The following MEG3 variants were observed in gnomAD, a reference collection of about 807,000 sequenced individuals.
MEG3 encodes the protein maternally expressed 3.
downstream of MEG3, chr14:100,833,451 G>A (rs944347742): frequency 2.6e-5 from 4 of 152,070 alleles, no homozygotes; most frequent in African/African-American, 9.7e-5. Flanking sequence ...GGAGAGACGG[G>A]GTTTCACCAT....
intron 2 of MEG3, among the ~76,000 whole-genome samples, chr14:100,838,068 G>T (rs1595273005): frequency 6.6e-6 from 1 of 152,290 alleles, no homozygotes; most frequent in East Asian, 1.9e-4. Context: ...CACAGGGGCA[G>T]GCTGCTGGGG....
chr14:100,841,501 G>A (rs1049038908), intron 2 of MEG3, among the ~76,000 whole-genome samples: 1 of 152,244 alleles, frequency 6.6e-6, no homozygotes, highest in Non-Finnish European at 1.5e-5. Context: ...CTGGTCCGCT[G>A]CCCCCTCTGC....
intron 1 of MEG3, chr14:100,826,224 G>C (rs1323310687): frequency 6.6e-6 from 1 of 152,184 alleles, no homozygotes; most frequent in Non-Finnish European, 1.5e-5. Context: ...CCCGGTGAGT[G>C]GTTGGCCATC....
At chr14:100,852,540 T>TG (rs916143300), upstream of MEG3, 28 of 440,146 alleles carry the variant, frequency 6.4e-5, no homozygotes, top group African/African-American at 5.7e-4. Context: ...GACTGAGGTC[T>TG]GGGGGTGCAC....
intron 2 of MEG3, among the ~76,000 whole-genome samples, chr14:100,839,206 G>C (rs767124964): frequency 6.6e-6 from 1 of 152,120 alleles, no homozygotes; most frequent in Non-Finnish European, 1.5e-5. Flanking sequence ...GGTCCCAAAG[G>C]GTTAAAGGGC....
upstream of MEG3, chr14:100,852,335 G>A (rs1015294273): frequency 1.5e-5 from 8 of 532,186 alleles, no homozygotes; most frequent in East Asian, 1.1e-4. Context: ...TTCTAGCTCC[G>A]GCCGAGTGGA....
intron 1 of MEG3, among the ~76,000 whole-genome samples, chr14:100,828,192 A>T (rs904643538): frequency 6.6e-6 from 1 of 151,986 alleles, no homozygotes; most frequent in African/African-American, 2.4e-5. Context: ...GGGGCGCCGC[A>T]GGTGGCTGCT....
intron 2 of MEG3, among the ~76,000 whole-genome samples, chr14:100,843,935 G>A (rs1351692636): frequency 1.4e-5 from 2 of 146,552 alleles, no homozygotes; most frequent in East Asian, 2.0e-4. Context: ...TGCCTCCCAC[G>A]TTCAAGCGAT....
intron 3 of MEG3, chr14:100,846,915 G>A (rs2037933543): frequency 6.6e-6 from 1 of 151,220 alleles, no homozygotes; most frequent in Admixed American, 6.5e-5. Context: ...AGTGCAGAAT[G>A]AGACATAGAT....
At chr14:100,835,999 C>T (rs1595268656) in intron 1 of MEG3, 2 of 344,294 alleles carry the variant, frequency 5.8e-6, no homozygotes, top group South Asian at 4.6e-5. Context: ...TAACCCAGCC[C>T]GTTGCTGCTT....
intron 1 of MEG3, chr14:100,836,163 C>T (rs2037570245): frequency 4.4e-6 from 2 of 450,324 alleles, no homozygotes; most frequent in South Asian, 3.2e-5. Flanking sequence ...TGCCCTTCCC[C>T]AAGGCACGTG....
chr14:100,827,160 G>A (rs1008513740), intron 1 of MEG3, among the ~76,000 whole-genome samples: 7 of 152,142 alleles, frequency 4.6e-5, no homozygotes, highest in African/African-American at 1.7e-4. Flanking sequence ...TTGGACTTTT[G>A]GTCAAATCGC....
At chr14:100,844,120 C>T (rs1000680375) in intron 2 of MEG3, among the ~76,000 whole-genome samples, 3 of 152,122 alleles carry the variant, frequency 2.0e-5, no homozygotes, top group South Asian at 2.1e-4. Flanking sequence ...GCATGAGCCA[C>T]CCCCCTGGGG....
intron 1 of MEG3, chr14:100,828,690 C>T (rs998319334): frequency 1.3e-5 from 2 of 151,792 alleles, no homozygotes; most frequent in African/African-American, 4.9e-5. Flanking sequence ...TCTAACCTGC[C>T]CCCCTCCCAT....
chr14:100,839,524 G>C (rs2037688769), intron 2 of MEG3, among the ~76,000 whole-genome samples: 1 of 152,182 alleles, frequency 6.6e-6, no homozygotes, highest in South Asian at 2.1e-4. Context: ...GGTAGGAGAG[G>C]GTCTCGTATG....
exon 1 of MEG3, chr14:100,834,893 G>A (rs1258917755): frequency 9.1e-6 from 4 of 438,806 alleles, no homozygotes; most frequent in South Asian, 1.6e-5. Context: ...ATTTGAACGG[G>A]GGCCTTGCTG....
At chr14:100,852,677 CG>C (rs1412604599), upstream of MEG3, 4 of 262,524 alleles carry the variant, frequency 1.5e-5, no homozygotes, top group African/African-American at 4.6e-5. Flanking sequence ...AACTCATGTA[CG>C]GCTGTTAAAA....
Position 100,837,259 on chromosome 14 carries a change from T to TG in MEG3, n.3045+964dup, listed in dbSNP as rs2139959952. ...GCTCAGCTGAGGCCACTTTCCTTTC[T>TG]GGGGGTCCCAGGGACTGAGTCTGTG... is the stretch of plus-strand genomic sequence containing the variant. On this transcript the variant is annotated intron_variant and non_coding_transcript_variant, in intron 2 of 3. Coordinates refer to the MEG3 transcript ENST00000398461. The surrounding 1 kb of genome is among the most constrained non-coding windows in gnomAD (Gnocchi z 5.8). Among the ~76,000 whole-genome samples the TG allele has an allele frequency of 6.6e-6, 1 of 152,300 alleles. No individual in the cohort carries two copies. Among genetic ancestry groups the TG allele is most frequent in the African/African-American group, 2.4e-5 (1 of 41,568 alleles).
chr14:100,852,511 C>A, upstream of MEG3: 1 of 489,826 alleles, frequency 2.0e-6, no homozygotes, highest in Non-Finnish European at 4.2e-6. Context: ...ATCTGGGGCT[C>A]CAGGCTATGC....
Sources: allele counts gnomAD v4.1 joint callset (sites outside exome capture counted in the v4.1 genomes callset), GRCh38; gene constraint gnomAD v4.1.1; non-coding constraint Gnocchi (gnomAD v3.1); transcripts MANE v1.5; gene names NCBI Gene and HGNC (gene_info 2026-07-23, HGNC 2026-07-21).